The following PCSK5 variants were observed in gnomAD, a reference collection of about 807,000 sequenced individuals.
PCSK5 encodes proprotein convertase subtilisin/kexin type 5.
A neutral mutation model predicts 233.2 loss-of-function variants in PCSK5; 129 were observed. The observed-to-expected ratio is 0.55, with a 90% CI of 0.48 to 0.64. The LOEUF is 0.64. Among genes scored for constraint, PCSK5 ranks in the 30% least tolerant of loss-of-function variants. The pLI, the probability that PCSK5 is intolerant of heterozygous loss-of-function variation, is 0.00. For missense variants in PCSK5, 2,076 were observed against 2,430.1 expected (o/e 0.85, Z 3.06); for synonymous variants, 825 against 879.2 (o/e 0.94, Z 1.09).
intron 4 of PCSK5, 105 bp downstream of exon 4, chr9:76,023,986 C>T: frequency 2.1e-6 from 2 of 948,946 alleles, no homozygotes; most frequent in Non-Finnish European, 3.1e-6. Flanking sequence ...TAGCAACGTA[C>T]AATAGGGTAT....
chr9:76,319,554 A>G (rs944035243), intron 30 of PCSK5, among the ~76,000 whole-genome samples: 2 of 152,116 alleles, frequency 1.3e-5, no homozygotes, highest in East Asian at 3.9e-4. Flanking sequence ...ACGCCCACAT[A>G]AGGGCCGCTT....
chr9:76,261,148 T>C (rs775503607), intron 24 of PCSK5, among the ~76,000 whole-genome samples: 9 of 152,092 alleles, frequency 5.9e-5, no homozygotes, highest in Non-Finnish European at 1.2e-4. Context: ...ACTAAAGAGG[T>C]ACAGATGGAC....
chr9:76,290,482 C>T (rs1828243785), intron 24 of PCSK5, among the ~76,000 whole-genome samples: 1 of 152,220 alleles, frequency 6.6e-6, no homozygotes, highest in Non-Finnish European at 1.5e-5. Context: ...CAGATAACAG[C>T]TTCCTGCAGA....
intron 13 of PCSK5, among the ~76,000 whole-genome samples, chr9:76,170,111 C>T (rs1335024806): frequency 6.6e-6 from 1 of 152,246 alleles, no homozygotes. Context: ...ACATCTCTAA[C>T]CAGCTTCCCA....
At chr9:76,282,463 G>A (rs893489863) in intron 24 of PCSK5, among the ~76,000 whole-genome samples, 1 of 148,930 alleles carries the variant, frequency 6.7e-6, no homozygotes, top group Non-Finnish European at 1.5e-5. Context: ...GTGACTACAA[G>A]CACTTGCCAA....
chr9:76,346,171 A>G (rs35663142), intron 35 of PCSK5, among the ~76,000 whole-genome samples: 39,178 of 152,082 alleles, frequency 0.26, 5,215 homozygotes, highest in Middle Eastern at 0.41. Flanking sequence ...TATTTTTGCC[A>G]ACTTTGTCAA....
chr9:76,307,137 C>A, intron 28 of PCSK5, among the ~76,000 whole-genome samples: 1 of 149,906 alleles, frequency 6.7e-6, no homozygotes, highest in Non-Finnish European at 1.5e-5. Context: ...TATTTTCTCT[C>A]ATTTTAGAGA....
Position 75,932,409 on chromosome 9 carries a change from T to C in PCSK5, c.223T>C (p.Tyr75His), listed in dbSNP as rs367722575. 13 of 1,612,656 alleles carry C rather than the reference T, an allele frequency of 8.1e-6. No individual in the cohort carries two copies. In the African/African-American group the frequency reaches 1.6e-4, roughly 20 times the overall value. The part of the protein sequence containing the change: ...IGALKDYYHF[Y>H]HSRTIKRSVI... ...GGCCCTGAAGGACTACTACCACTTC[T>C]ACCATAGCAGGACGATTAAAAGGTC... Residue 75 changes from tyrosine to histidine, a missense_variant, in exon 2 of 38, where the codon TAC becomes CAC. Around this residue, in one of 6 missense-constraint regions of PCSK5, gnomAD observed 190 missense variants for 216.3 expected, o/e 0.88. Coordinates refer to ENST00000674117, the MANE Select transcript of PCSK5 (RefSeq NM_001372043.1).
chr9:76,108,833 G>A (rs117485489), intron 9 of PCSK5, among the ~76,000 whole-genome samples: 2,410 of 152,218 alleles, frequency 0.016, 35 homozygotes, highest in Admixed American at 0.055. Context: ...TCTGTAAGAC[G>A]GAGAGCCTAT....
chr9:76,274,146 G>A (rs1827619301), intron 24 of PCSK5, among the ~76,000 whole-genome samples: 3 of 151,866 alleles, frequency 2.0e-5, no homozygotes, highest in Admixed American at 2.0e-4. Flanking sequence ...TCTATGGGTT[G>A]AAGCTTCTAT....
At chr9:76,152,238 G>A (rs958748727) in intron 10 of PCSK5, among the ~76,000 whole-genome samples, 2 of 152,150 alleles carry the variant, frequency 1.3e-5, no homozygotes, top group East Asian at 1.9e-4. Flanking sequence ...GCCCAGGAAT[G>A]AGGGAATTCC....
intron 24 of PCSK5, among the ~76,000 whole-genome samples, chr9:76,280,096 T>C (rs115109469): frequency 1.5e-3 from 231 of 152,322 alleles, no homozygotes; most frequent in African/African-American, 5.5e-3. Context: ...TGTGTCTCTG[T>C]GTCACATTTT....
chr9:76,351,307 A>G (rs1287528854), intron 36 of PCSK5, among the ~76,000 whole-genome samples: 1 of 151,988 alleles, frequency 6.6e-6, no homozygotes, highest in East Asian at 1.9e-4. Flanking sequence ...TGAGTAACAT[A>G]GGAACCACAC....
chr9:75,950,147 G>GT (rs751957512), intron 2 of PCSK5, among the ~76,000 whole-genome samples: 28,067 of 126,094 alleles, frequency 0.22, 4,483 homozygotes, highest in East Asian at 0.46. Flanking sequence ...GTGTGTGTGG[G>GT]GGGGGCGGGG....
At chr9:76,256,638 T>C (rs1826990929) in intron 24 of PCSK5, among the ~76,000 whole-genome samples, 1 of 152,184 alleles carries the variant, frequency 6.6e-6, no homozygotes, top group South Asian at 2.1e-4. Flanking sequence ...TTTAGTGAAA[T>C]ATCTTCGATT....
chr9:76,330,731 A>G (rs1174368786), intron 33 of PCSK5, among the ~76,000 whole-genome samples: 1 of 152,162 alleles, frequency 6.6e-6, no homozygotes, highest in African/African-American at 2.4e-5. Context: ...ACCTATTCTC[A>G]ATACCATTCC....
At position 76,143,163 on chromosome 9, in the gene PCSK5, CA is replaced by C. The variant is rs1334274402; in HGVS notation, c.1312+8954del. Among the ~76,000 whole-genome samples the C allele has an allele frequency of 9.9e-5, 15 of 152,046 alleles. No individual in the cohort carries two copies. The South Asian group carries it at 2.9e-3, about 30-fold the overall frequency. On this transcript the variant is annotated intron_variant, in intron 10 of 37. Coordinates refer to ENST00000674117, the MANE Select transcript of PCSK5 (RefSeq NM_001372043.1). Reference sequence around the variant, plus strand: ...ATACCGTAGTTTCTTTTAGTTTAAACAAATGCCTTCTTTTGTTTGTGTTTCT... The same window carrying C: ...ATACCGTAGTTTCTTTTAGTTTAAACAATGCCTTCTTTTGTTTGTGTTTCT...
chr9:76,195,056 GA>G, intron 20 of PCSK5: 1 of 166,636 alleles, frequency 6.0e-6, no homozygotes, highest in South Asian at 1.4e-4. Context: ...ATAGTCTGAT[GA>G]CCCTCTTAAT....
chr9:76,299,582 G>T (rs551743943), intron 27 of PCSK5, among the ~76,000 whole-genome samples: 2 of 152,178 alleles, frequency 1.3e-5, no homozygotes, highest in Non-Finnish European at 2.9e-5. Context: ...TGAGGTGCAA[G>T]AATCACTTGA....
Sources: gnomAD v4.1 joint callset for allele counts (sites outside exome capture counted in the v4.1 genomes callset) on GRCh38, gnomAD v4.1.1 for gene constraint, gnomAD v4.1.1 regional missense constraint, MANE v1.5 for transcripts, NCBI Gene and HGNC (gene_info 2026-07-23, HGNC 2026-07-21) for gene names.